MSH6: variants seen among roughly 807,000 people sequenced by gnomAD.
The protein encoded by MSH6 is mutS homolog 6, also known as DNA mismatch repair protein Msh6.
A neutral mutation model predicts 119.1 loss-of-function variants in MSH6; 85 were observed. That is an observed-to-expected ratio of 0.71 (90% CI 0.60 to 0.85). MSH6 has a LOEUF of 0.85. Among genes scored for constraint, MSH6 ranks in the 40% least tolerant of loss-of-function variants. The pLI is 0.00. For missense variants in MSH6, 2,163 were observed against 1,655.3 expected (o/e 1.31, Z -5.32); for synonymous variants, 830 against 586.9 (o/e 1.41, Z -5.99).
chr2:47,806,895 A>T lies in MSH6; in HGVS notation c.*35A>T, dbSNP rs2104588643. 6.9e-7 allele frequency: 1 copy of T among 1,457,656 alleles called. No individual in the cohort carries two copies. The highest frequency in any genetic ancestry group is 9.6e-7 in the Non-Finnish European group (1 of 1,038,816). 90.3% of individuals were successfully genotyped at this position (1,457,656 alleles called of 1,614,324 possible). A position where few individuals can be genotyped will look rare whatever the true frequency, so the allele number is the denominator to read the frequency against. On this transcript the variant is annotated 3_prime_UTR_variant, in exon 10 of 10. Coordinates refer to ENST00000234420, the MANE Select transcript of MSH6 (RefSeq NM_000179.3). Reference sequence around the variant, plus strand: ...ATTGGAAGCTTTGAGTTGACTTCTGACAAAGGTGGTAAATTCAGACAACAT... The same window carrying T: ...ATTGGAAGCTTTGAGTTGACTTCTGTCAAAGGTGGTAAATTCAGACAACAT...
intron 1 of MSH6, among the ~76,000 whole-genome samples, chr2:47,789,860 T>C (rs1364825268): frequency 1.3e-5 from 2 of 152,098 alleles, no homozygotes; most frequent in Non-Finnish European, 2.9e-5. Flanking sequence ...TCTTGCTCTG[T>C]TGCCCAGGCT....
rs3136298 is a variant in MSH6 at position 47,793,608 on chromosome 2, A to T, written c.458-2286A>T. On this transcript the variant is annotated intron_variant, in intron 2 of 9. Transcript: ENST00000234420. The stretch of plus-strand genomic sequence containing the variant: ...GGGAACGGAGTGAGACTTCATCTCA[A>T]AAATAAATAAATAAATAAATAAATA... Among the ~76,000 whole-genome samples the T allele has an allele frequency of 1.2e-3, 181 of 151,254 alleles. 1 individual carries two copies. Among genetic ancestry groups the T allele is most frequent in the African/African-American group, 4.2e-3 (173 of 41,368 alleles).
intron 1 of MSH6, chr2:47,784,739 G>A (rs1181883753): frequency 6.6e-6 from 1 of 152,264 alleles, no homozygotes; most frequent in Non-Finnish European, 1.5e-5. Flanking sequence ...GGGATTACAG[G>A]CGCTAGCCAC....
At chr2:47,804,697 T>G (rs775127325) in intron 5 of MSH6, among the ~76,000 whole-genome samples, 5 of 152,168 alleles carry the variant, frequency 3.3e-5, no homozygotes, top group African/African-American at 4.8e-5. Context: ...GCTCTGATGT[T>G]TTAAAGGCCA....
chr2:47,791,118 A>G lies in MSH6; in HGVS notation c.452A>G (p.Tyr151Cys). Residue 151 changes from tyrosine (Y) to cysteine (C), a missense_variant, in exon 2 of 10, where the codon TAT becomes TGT. Coordinates refer to ENST00000234420, the MANE Select transcript of MSH6 (RefSeq NM_000179.3). ...GWVSKRLLKP[Y>C]TGSKSKEAQK... ...GTTAGCAAAAGGCTTTTAAAGCCAT[A>G]TACAGGTAAGAGTCACTACTGCCAT... 1.2e-6 allele frequency: 2 copies of G among 1,614,046 alleles called. No individual in the cohort carries two copies. Among genetic ancestry groups the G allele is most frequent in the Non-Finnish European group, 1.7e-6 (2 of 1,179,916 alleles).
At chr2:47,804,436 C>G (rs956348243) in intron 5 of MSH6, among the ~76,000 whole-genome samples, 1 of 151,968 alleles carries the variant, frequency 6.6e-6, no homozygotes, top group African/African-American at 2.4e-5. Context: ...TAGTATACTT[C>G]TGTTCACCTA....
intron 9 of MSH6, 28 bp from the exon 10 acceptor site, chr2:47,806,751 C>CTACT (rs1670192339): frequency 7.6e-7 from 1 of 1,307,342 alleles, no homozygotes; most frequent in African/African-American, 1.6e-5. Flanking sequence ...AACAAAAAAA[C>CTACT]TTTTTTTTTT....
chr2:47,802,637 T>TTTG lies in MSH6; in HGVS notation c.3173-781_3173-780insGTT, dbSNP rs1669670259. Among the ~76,000 whole-genome samples the TTTG allele has an allele frequency of 1.5e-4, 16 of 108,766 alleles. No individual in the cohort carries two copies. In the South Asian group the frequency reaches 3.6e-3, roughly 24 times the overall value. The allele number at this position is 108,766 out of a possible 152,430, so 71.4% of individuals were successfully genotyped here. On this transcript the variant is annotated intron_variant, in intron 4 of 9. Transcript: ENST00000234420. ...CATGAGCCACTGCGCCCAGCCCTGTTTTTTTTTTTTTTTTTTTTTTAAATA... is the reference window on the plus strand; with the variant it reads ...CATGAGCCACTGCGCCCAGCCCTGTTTTGTTTTTTTTTTTTTTTTTTTTAAATA...
chr2:47,799,470 G>A lies in MSH6; in HGVS notation c.1487G>A (p.Cys496Tyr), dbSNP rs764593111. ...ACTCCAGAAATGATGGAGGCACGAT[G>A]TAGAAAGATGGCACATATATCCAAG... ...TETPEMMEARCRKMAHISKYD... is the reference protein window; with the variant it reads ...TETPEMMEARYRKMAHISKYD... Residue 496 changes from cysteine (C) to tyrosine (Y), a missense_variant, in exon 4 of 10, where the codon TGT (cysteine) becomes TAT (tyrosine). By Grantham distance (194) the Cys-to-Tyr change is radical. Transcript: ENST00000234420. The A allele has an allele frequency of 6.2e-6, 10 of 1,614,068 alleles. No individual in the cohort carries two copies. In the South Asian group the frequency reaches 7.7e-5, roughly 12 times the overall value.
rs876660564 is a variant in MSH6 at position 47,803,540 on chromosome 2, G to T, written c.3293G>T (p.Cys1098Phe). The T allele has an allele frequency of 1.2e-6, 2 of 1,614,044 alleles. No homozygotes were observed. Among genetic ancestry groups the T allele is most frequent in the African/African-American group, 2.7e-5 (2 of 74,920 alleles). Residue 1098 changes from cysteine (C) to phenylalanine (F), a missense_variant, in exon 5 of 10, where the codon TGC becomes TTC. Cys to Phe is a radical substitution (Grantham distance 205). Coordinates refer to ENST00000234420, the MANE Select transcript of MSH6 (RefSeq NM_000179.3). ...FLELKGSRHPCITKTFFGDDF... is the reference protein window; with the variant it reads ...FLELKGSRHPFITKTFFGDDF... The stretch of plus-strand genomic sequence containing the variant: ...GAGCTTAAAGGATCACGCCATCCTT[G>T]CATTACGAAGACTTTTTTTGGAGAT...
intron 1 of MSH6, among the ~76,000 whole-genome samples, chr2:47,788,922 G>GTTTTTTTTGTTTTT (rs1668541391): frequency 2.4e-5 from 1 of 40,932 alleles, no homozygotes; most frequent in African/African-American, 1.0e-4. Flanking sequence ...TTTTTTTTTT[G>GTTTTTTTTGTTTTT]TTTTTTTTTT....
rs1008628337 is a variant in MSH6 at position 47,784,151 on chromosome 2, G to T, written c.260+658G>T. Reference sequence around the variant, plus strand: ...TGGGCCACGAGCTGCGAGCGCGGGGGGGTGTGTCACCATGGGGACCGCGGG... The same window carrying T: ...TGGGCCACGAGCTGCGAGCGCGGGGTGGTGTGTCACCATGGGGACCGCGGG... On this transcript the variant is annotated intron_variant, in intron 1 of 9. Coordinates refer to ENST00000234420, the MANE Select transcript of MSH6 (RefSeq NM_000179.3). The T allele has an allele frequency of 5.0e-6, 5 of 1,005,780 alleles. No homozygotes were observed. The African/African-American group carries it at 5.2e-5, about 10-fold the overall frequency. 62.3% of individuals were successfully genotyped at this position (1,005,780 alleles called of 1,614,324 possible).
chr2:47,802,641 T>G (rs961172698), intron 4 of MSH6, among the ~76,000 whole-genome samples: 13 of 151,434 alleles, frequency 8.6e-5, no homozygotes, highest in African/African-American at 2.9e-4. Flanking sequence ...CCCTGTTTTT[T>G]TTTTTTTTTT....
At chr2:47,793,792 A>G (rs1433210756) in intron 2 of MSH6, among the ~76,000 whole-genome samples, 1 of 151,000 alleles carries the variant, frequency 6.6e-6, no homozygotes, top group Non-Finnish European at 1.5e-5. Context: ...GTGGAATGGC[A>G]CAATCTCAGC....
intron 1 of MSH6, among the ~76,000 whole-genome samples, chr2:47,787,629 A>G (rs574217652): frequency 4.1e-4 from 62 of 152,200 alleles, no homozygotes; most frequent in Middle Eastern, 6.8e-3. Flanking sequence ...GGCAGGAGCA[A>G]TGGTGGCAGG....
At chr2:47,788,906 CCTT>C (rs1668530211) in intron 1 of MSH6, among the ~76,000 whole-genome samples, 1 of 15,826 alleles carries the variant, frequency 6.3e-5, no homozygotes, top group Non-Finnish European at 9.8e-5. Flanking sequence ...CTTTCTTCTT[CCTT>C]TTTTTTTTTT....
rs532124835 is a variant in MSH6, at chr2:47,794,352, A to G, written c.458-1542A>G. 3.1e-4 allele frequency among the ~76,000 whole-genome samples: 47 copies of G among 151,978 alleles called. No individual in the cohort carries two copies. The East Asian group carries it at 3.7e-3, about 12-fold the overall frequency. ...AATGGTGCAGTCTTGGCTCACTGCA[A>G]TCTCTGTCTCCGGGGTTCAAGTGAT... On this transcript the variant is annotated intron_variant, in intron 2 of 9. Coordinates refer to ENST00000234420, the MANE Select transcript of MSH6 (RefSeq NM_000179.3).
chr2:47,784,121 G>T (rs1404787497), intron 1 of MSH6: 2 of 1,005,990 alleles, frequency 2.0e-6, no homozygotes, highest in African/African-American at 3.5e-5. Flanking sequence ...GGGCCGCCGA[G>T]GGGGTGGGCC....
intron 4 of MSH6, among the ~76,000 whole-genome samples, chr2:47,801,562 TCTCA>T (rs1433745917): frequency 6.6e-6 from 1 of 151,914 alleles, no homozygotes; most frequent in Non-Finnish European, 1.5e-5. Flanking sequence ...AGAGATGGGG[TCTCA>T]CTGTGTTGCC....
Sources: gnomAD v4.1 joint callset for allele counts (sites outside exome capture counted in the v4.1 genomes callset) on GRCh38, gnomAD v4.1.1 for gene constraint, MANE v1.5 for transcripts, NCBI Gene and HGNC (gene_info 2026-07-23, HGNC 2026-07-21) for gene names.